LMO7: variants seen among roughly 807,000 people sequenced by gnomAD.
LMO7 encodes LIM domain 7, also known as LIM domain only protein 7.
A neutral mutation model predicts 206.5 loss-of-function variants in LMO7; 120 were observed. That is an observed-to-expected ratio of 0.58 (90% CI 0.50 to 0.68). The LOEUF is 0.68. LMO7 is among the 30% of genes least tolerant of loss of function. The pLI is 0.00. For missense variants in LMO7, 1,959 were observed against 1,957.9 expected, an observed-to-expected ratio of 1.00 and a Z score of -0.01; for synonymous variants, 706 against 681.5, an observed-to-expected ratio of 1.04 and a Z score of -0.56.
rs1339763402 is a variant in LMO7 at position 75,823,740 on chromosome 13, C to A, written c.2816C>A (p.Ser939Tyr). 2 of 1,614,122 alleles carry A rather than the reference C, an allele frequency of 1.2e-6. No homozygotes were observed. The highest frequency in any genetic ancestry group is 2.2e-5 in the South Asian group (2 of 91,084). Reference protein sequence around the residue: ...EDVTRLPSPTSPFSSLSQDQA... With the variant: ...EDVTRLPSPTYPFSSLSQDQA... Reference sequence around the variant, plus strand: ...GTGACAAGGCTGCCCTCTCCTACATCCCCCTTCTCATCTCTTTCCCAAGAC... The same window carrying A: ...GTGACAAGGCTGCCCTCTCCTACATACCCCTTCTCATCTCTTTCCCAAGAC... The change falls in exon 15 of 31, where the codon TCC becomes TAC. Residue 939 changes from serine (S) to tyrosine (Y), a missense_variant. Transcript: ENST00000377534.
chr13:75,789,193 T>C (rs544173064), intron 4 of LMO7: 23 of 152,210 alleles, frequency 1.5e-4, no homozygotes, highest in African/African-American at 5.5e-4. Context: ...CAGTGTGAGG[T>C]TTTTATCATA....
chr13:75,625,837 G>C (rs960348730), intron 2 of LMO7, among the ~76,000 whole-genome samples: 11 of 152,290 alleles, frequency 7.2e-5, no homozygotes, highest in Middle Eastern at 3.4e-3. Flanking sequence ...TTGTTTCATA[G>C]GGAATCTTCT....
intron 1 of LMO7, among the ~76,000 whole-genome samples, chr13:75,640,550 C>G (rs1409067082): frequency 6.6e-6 from 1 of 152,168 alleles, no homozygotes; most frequent in East Asian, 1.9e-4. Context: ...CCACCCATTC[C>G]TTTCTCTCCT....
rs141631610 is a variant in LMO7 at position 75,622,933 on chromosome 13, A to C, written c.176-338A>C. Among the ~76,000 whole-genome samples, 502 of 152,306 alleles carry C rather than the reference A, an allele frequency of 3.3e-3. 6 individuals carry two copies. Among genetic ancestry groups the C allele is most frequent in the African/African-American group, 0.011 (476 of 41,556 alleles). ...TTGCAGGCACAAAATGTTACTATAA[A>C]ATTATTTTGTTGAAGAAACTAAAAT... is the stretch of plus-strand genomic sequence containing the variant. On this transcript the variant is annotated intron_variant, in intron 1 of 29. Coordinates refer to the LMO7 transcript ENST00000341547.
intron 28 of LMO7, among the ~76,000 whole-genome samples, chr13:75,854,793 A>T (rs1392928522): frequency 2.0e-5 from 3 of 152,190 alleles, no homozygotes; most frequent in Admixed American, 2.0e-4. Flanking sequence ...AAGAGGGCGA[A>T]AAATAAGTCT....
At chr13:75,842,742 C>A in intron 24 of LMO7, 109 bp from the exon 25 acceptor site, 1 of 676,532 alleles carries the variant, frequency 1.5e-6, no homozygotes, top group Non-Finnish European at 2.6e-6. Flanking sequence ...ACCCAAAGAC[C>A]ATTTGCATAA....
In LMO7 at chr13:75,819,459, A is replaced by G; in HGVS notation, c.2131A>G (p.Arg711Gly). 1 of 1,613,376 alleles carries G rather than the reference A, an allele frequency of 6.2e-7. No homozygotes were observed. Among genetic ancestry groups the G allele is most frequent in the Non-Finnish European group, 8.5e-7 (1 of 1,179,830 alleles). The change falls in exon 13 of 31, where the codon AGA becomes GGA. Residue 711 changes from arginine (R) to glycine (G), a missense_variant. Coordinates refer to ENST00000377534, the MANE Select transcript of LMO7 (RefSeq NM_001306080.2). ...TSDLQKKKEE[R>G]EEIEKQALEK... is the part of the protein sequence containing the mutation. ...AGATCTGCAGAAGAAAAAAGAAGAG[A>G]GAGAAGAAATTGAAAAGCAGGCACT... is the stretch of plus-strand genomic sequence containing the variant.
chr13:75,853,453 C>A, intron 28 of LMO7, 65 bp downstream of exon 28: 1 of 1,383,334 alleles, frequency 7.2e-7, no homozygotes, highest in Non-Finnish European at 9.8e-7. Context: ...AAATATCCCC[C>A]AAATCCTGTC....
intron 2 of LMO7, among the ~76,000 whole-genome samples, chr13:75,624,929 C>A (rs2033832820): frequency 6.6e-6 from 1 of 152,184 alleles, no homozygotes; most frequent in Non-Finnish European, 1.5e-5. Flanking sequence ...ATTCTAGAGT[C>A]TGAGTTGTAG....
chr13:75,772,691 CAAAAG>C (rs2049918063), intron 4 of LMO7, among the ~76,000 whole-genome samples: 1 of 151,672 alleles, frequency 6.6e-6, no homozygotes, highest in Non-Finnish European at 1.5e-5. Flanking sequence ...TTTTTTTTAA[CAAAAG>C]AAAAACATGT....
intron 1 of LMO7, among the ~76,000 whole-genome samples, chr13:75,657,568 G>T (rs1294617202): frequency 6.6e-6 from 1 of 152,160 alleles, no homozygotes; most frequent in Non-Finnish European, 1.5e-5. Flanking sequence ...AAGTAGAAGA[G>T]AGAATGAATA....
At chr13:75,817,864 A>G (rs2057198700) in intron 12 of LMO7, among the ~76,000 whole-genome samples, 1 of 152,174 alleles carries the variant, frequency 6.6e-6, no homozygotes, top group East Asian at 1.9e-4. Flanking sequence ...TTTAGTTTTG[A>G]TCCTGAAGAA....
intron 10 of LMO7, among the ~76,000 whole-genome samples, chr13:75,808,508 C>G (rs571304932): frequency 2.0e-5 from 3 of 152,242 alleles, no homozygotes; most frequent in African/African-American, 7.2e-5. Flanking sequence ...TTCTCATGTT[C>G]AGGCATTTTT....
intron 1 of LMO7, 138 bp downstream of exon 1, chr13:75,636,864 T>A: frequency 1.2e-6 from 1 of 846,490 alleles, no homozygotes; most frequent in Non-Finnish European, 1.9e-6. Context: ...CTGGTTTGCT[T>A]GTGCACTTTT....
At chr13:75,653,584 AT>A (rs1277581350) in intron 1 of LMO7, among the ~76,000 whole-genome samples, 1 of 152,240 alleles carries the variant, frequency 6.6e-6, no homozygotes, top group Non-Finnish European at 1.5e-5. Flanking sequence ...TACTGGTATT[AT>A]AAATTATTAT....
chr13:75,799,287 A>G (rs1324441569), intron 6 of LMO7, among the ~76,000 whole-genome samples: 1 of 152,232 alleles, frequency 6.6e-6, no homozygotes, highest in Admixed American at 6.5e-5. Context: ...AGTTGAAAAT[A>G]TTTATAATTA....
intron 3 of LMO7, among the ~76,000 whole-genome samples, chr13:75,747,779 G>A (rs1023242635): frequency 6.6e-6 from 1 of 152,200 alleles, no homozygotes; most frequent in Non-Finnish European, 1.5e-5. Flanking sequence ...GAAGAATTAG[G>A]TTGCAGATGG....
intron 29 of LMO7, among the ~76,000 whole-genome samples, chr13:75,855,621 A>G (rs1039646467): frequency 6.6e-5 from 10 of 152,248 alleles, no homozygotes; most frequent in African/African-American, 1.7e-4. Context: ...TTTACAGTAC[A>G]TAAGTTGCTT....
intron 2 of LMO7, among the ~76,000 whole-genome samples, chr13:75,630,358 C>A (rs1291572604): frequency 6.6e-6 from 1 of 151,974 alleles, no homozygotes; most frequent in Non-Finnish European, 1.5e-5. Context: ...GAGAGAAGTA[C>A]AAAATCTCCA....
Sources: allele counts gnomAD v4.1 joint callset (sites outside exome capture counted in the v4.1 genomes callset), GRCh38; gene constraint gnomAD v4.1.1; transcripts MANE v1.5; gene names NCBI Gene and HGNC (gene_info 2026-07-23, HGNC 2026-07-21).